The following ATAD2 variants were observed in gnomAD, a reference collection of about 807,000 sequenced individuals.
ATAD2 encodes the protein ATPase family AAA domain containing 2, also known as ATPase family AAA domain-containing protein 2.
A neutral mutation model predicts 168.9 loss-of-function variants in ATAD2; 62 were observed. The observed-to-expected ratio is 0.37, with a 90% confidence interval of 0.30 to 0.45. The LOEUF is 0.45. Among genes scored for constraint, ATAD2 ranks in the 20% least tolerant of loss-of-function variants. The probability of loss-of-function intolerance (pLI) is 1.00; values close to 1 mark genes in which losing one functional copy is unlikely to be tolerated. For synonymous variants in ATAD2, 613 were observed against 571.6 expected (o/e 1.07, Z -1.03); for missense variants, 1,419 against 1,667.8 (o/e 0.85, Z 2.60).
chr8:123,355,007 G>A (rs1411109637), intron 13 of ATAD2, among the ~76,000 whole-genome samples: 3 of 151,140 alleles, frequency 2.0e-5, no homozygotes, highest in East Asian at 3.9e-4. Flanking sequence ...ATGAAGTGAT[G>A]GAAGTATTGT....
rs1218809292 is a variant in ATAD2, at chr8:123,356,425, G to A, written c.1610C>T (p.Ala537Val). 5 of 1,612,286 alleles carry A rather than the reference G, an allele frequency of 3.1e-6. No homozygotes were observed. The highest frequency in any genetic ancestry group is 4.2e-6 in the Non-Finnish European group (5 of 1,178,948). ...ATCTTGCCTGCTTGACCGTACTGGA[G>A]CCAGACCATCAATTTCGTCAAAAAA... The part of the protein sequence containing the change: ...IIFFDEIDGL[A>V]PVRSSRQDQI... The change falls in exon 13 of 28, where the codon GCT (alanine) becomes GTT (valine). Residue 537 changes from alanine (A) to valine (V), a missense_variant. By Grantham distance (64) the Ala-to-Val change is moderately conservative. Transcript: ENST00000287394.
intron 8 of ATAD2, among the ~76,000 whole-genome samples, chr8:123,364,333 A>G (rs749712124): frequency 2.4e-4 from 37 of 152,146 alleles, no homozygotes; most frequent in Admixed American, 5.2e-4. Flanking sequence ...CAATTACTCT[A>G]TACTGTAGAA....
intron 15 of ATAD2, 92 bp from the exon 16 acceptor site, chr8:123,347,498 T>A: frequency 7.9e-7 from 1 of 1,270,972 alleles, no homozygotes. Flanking sequence ...AAAAAAAAAT[T>A]AAAAATCAGC....
At chr8:123,346,841 A>C (rs1001992081) in intron 16 of ATAD2, 91 bp from the exon 17 acceptor site, 6 of 1,337,332 alleles carry the variant, frequency 4.5e-6, no homozygotes, top group South Asian at 1.3e-5. Context: ...ACTTCAATTA[A>C]ATTTTTTCAA....
At chr8:123,340,579 G>C (rs1828033647) in intron 19 of ATAD2, among the ~76,000 whole-genome samples, 2 of 152,212 alleles carry the variant, frequency 1.3e-5, no homozygotes, top group Non-Finnish European at 2.9e-5. Context: ...TCTGTCACCA[G>C]ATGAATGGAT....
At chr8:123,401,227 C>A, upstream of ATAD2, 1 of 902,768 alleles carries the variant, frequency 1.1e-6, no homozygotes. Context: ...CGATGATGAG[C>A]TGGTGGCCAT....
At chr8:123,349,226 C>A in intron 14 of ATAD2, 59 bp downstream of exon 14, 1 of 1,538,592 alleles carries the variant, frequency 6.5e-7, no homozygotes, top group Non-Finnish European at 8.8e-7. Flanking sequence ...TATACCAAGA[C>A]TTATTATTAA....
In ATAD2 at chr8:123,347,230, T is replaced by C; in HGVS notation, c.2074A>G (p.Arg692Gly). ...GCCTGCCCAGGTGATGTCACAGCTCTTTGGGAGGCTGGTATCATCTTTTGC... is the reference window on the plus strand; with the variant it reads ...GCCTGCCCAGGTGATGTCACAGCTCCTTGGGAGGCTGGTATCATCTTTTGC... ...AMQKMIPASQ[R>G]AVTSPGQALS... is the part of the protein sequence containing the mutation. Residue 692 changes from arginine (R) to glycine (G), a missense_variant, in exon 16 of 28, where the codon AGA becomes GGA. Arg to Gly is a moderately radical substitution (Grantham distance 125, BLOSUM62 -2). Coordinates refer to ENST00000287394, the MANE Select transcript of ATAD2 (RefSeq NM_014109.4). 3.7e-6 allele frequency: 6 copies of C among 1,614,216 alleles called. No individual in the cohort carries two copies. The highest frequency in any genetic ancestry group is 5.1e-6 in the Non-Finnish European group (6 of 1,180,034).
intron 1 of ATAD2, among the ~76,000 whole-genome samples, chr8:123,391,295 G>GACC (rs771552937): frequency 1.1e-4 from 16 of 151,538 alleles, no homozygotes; most frequent in African/African-American, 3.6e-4. Flanking sequence ...AACAAACTTA[G>GACC]ACCACCACCA....
chr8:123,393,921 T>C (rs13274664), intron 1 of ATAD2, among the ~76,000 whole-genome samples: 82,970 of 151,822 alleles, frequency 0.55, 24,507 homozygotes, highest in Non-Finnish European at 0.68. Flanking sequence ...TGTCTCAAAA[T>C]AATAAATAAA....
rs532541243 is a variant in ATAD2 at position 123,342,205 on chromosome 8, C to G, written c.2718+2679G>C. ...CAAACTTGCCAATGTAATCAACCTG[C>G]CTAGTATTGTTAAAGTGAGTAAGAA... is the stretch of plus-strand genomic sequence containing the variant. On this transcript the variant is annotated intron_variant, in intron 19 of 27. Coordinates refer to ENST00000287394, the MANE Select transcript of ATAD2 (RefSeq NM_014109.4). Among the ~76,000 whole-genome samples the G allele has an allele frequency of 1.3e-4, 20 of 152,288 alleles. No homozygotes were observed. The South Asian group carries it at 4.1e-3, about 32-fold the overall frequency.
At position 123,396,200 on chromosome 8, in the gene ATAD2, G is replaced by A. The variant is rs1173269903; in HGVS notation, c.158C>T (p.Thr53Ile). ...GCCCGTACTCACGCCCGCTTTGGCT[G>A]TGGTCGCCGCGGGTTTCTTCTGCGC... ...GAAQKKPAAT[T>I]AKAGDGSSVK... is the part of the protein sequence containing the mutation. The change falls in exon 1 of 28, where the codon ACA becomes ATA. Residue 53 changes from threonine to isoleucine, a missense_variant. Physicochemically the swap from Thr to Ile is moderately conservative, Grantham distance 89 (BLOSUM62 -1). Coordinates refer to ENST00000287394, the MANE Select transcript of ATAD2 (RefSeq NM_014109.4). 2 of 1,580,712 alleles carry A rather than the reference G, an allele frequency of 1.3e-6. No homozygotes were observed. Among genetic ancestry groups the A allele is most frequent in the South Asian group, 1.1e-5 (1 of 87,774 alleles).
At chr8:123,363,265 T>C (rs1049683111) in intron 8 of ATAD2, among the ~76,000 whole-genome samples, 9 of 152,212 alleles carry the variant, frequency 5.9e-5, no homozygotes, top group African/African-American at 9.6e-5. Flanking sequence ...CCTGACATAG[T>C]ACAAGGCAAT....
At chr8:123,326,481 G>A (rs919400901) in intron 25 of ATAD2, among the ~76,000 whole-genome samples, 5 of 151,660 alleles carry the variant, frequency 3.3e-5, no homozygotes, top group African/African-American at 4.8e-5. Context: ...ACCAGCCTGG[G>A]CAACATGGGA....
chr8:123,370,889 G>A lies in ATAD2; in HGVS notation c.727+14C>T, dbSNP rs1475624761. ...AATTCAATCCCAGAAGACAGAACAA[G>A]AGAAGAGACTAACCCACACTGCCTT... On this transcript the variant is annotated intron_variant, in intron 6 of 27. Coordinates refer to ENST00000287394, the MANE Select transcript of ATAD2 (RefSeq NM_014109.4). 1.3e-6 allele frequency: 2 copies of A among 1,563,598 alleles called. No individual in the cohort carries two copies. Among genetic ancestry groups the A allele is most frequent in the Middle Eastern group, 1.7e-4 (1 of 5,870 alleles).
chr8:123,349,374 C>A lies in ATAD2; in HGVS notation c.1717G>T (p.Ala573Ser). The change falls in exon 14 of 28, where the codon GCT (alanine) becomes TCT (serine). Residue 573 changes from alanine (A) to serine (S), a missense_variant. Physicochemically the swap from Ala to Ser is moderately conservative, Grantham distance 99. Around this residue, in one of 5 missense-constraint regions of ATAD2, gnomAD observed 545 missense variants for 724.9 expected, o/e 0.75. Coordinates refer to ENST00000287394, the MANE Select transcript of ATAD2 (RefSeq NM_014109.4). ...DSRGEIVVIG[A>S]TNRLDSIDPA... ...TCTATAGAATCTAGCCTGTTCGTAG[C>A]ACCAATGACCACAATTTCCCCTCTG... 1 of 1,614,060 alleles carries A rather than the reference C, an allele frequency of 6.2e-7. No homozygotes were observed. The highest frequency in any genetic ancestry group is 8.5e-7 in the Non-Finnish European group (1 of 1,179,984).
intron 24 of ATAD2, among the ~76,000 whole-genome samples, chr8:123,331,752 C>T (rs1827778990): frequency 6.6e-6 from 1 of 152,144 alleles, no homozygotes; most frequent in South Asian, 2.1e-4. Context: ...ATTTTTTGTA[C>T]TATACTAAAC....
At chr8:123,396,034 G>A (rs1411089313) in intron 1 of ATAD2, 153 bp downstream of exon 1, 13 of 919,936 alleles carry the variant, frequency 1.4e-5, no homozygotes, top group African/African-American at 5.3e-5. Flanking sequence ...CTCCGATCCC[G>A]AGAGCTTCCA....
At chr8:123,335,910 G>C in intron 22 of ATAD2, among the ~76,000 whole-genome samples, 1 of 152,128 alleles carries the variant, frequency 6.6e-6, no homozygotes, top group East Asian at 1.9e-4. Flanking sequence ...TTTGGAGAAA[G>C]GAAATGGGGG....
Sources: gnomAD v4.1 joint callset for allele counts (sites outside exome capture counted in the v4.1 genomes callset) on GRCh38, gnomAD v4.1.1 for gene constraint, gnomAD v4.1.1 regional missense constraint, MANE v1.5 for transcripts, NCBI Gene and HGNC (gene_info 2026-07-23, HGNC 2026-07-21) for gene names.